The following CD5 variants were observed in gnomAD, a reference collection of about 807,000 sequenced individuals.
CD5 encodes the protein CD5 molecule, also known as T-cell surface glycoprotein CD5.
A neutral mutation model predicts 60.3 loss-of-function variants in CD5; 36 were observed. That is an observed-to-expected ratio of 0.60 (90% CI 0.46 to 0.79). CD5 has a LOEUF of 0.79. Ranked by LOEUF, CD5 falls within the 30% of genes least tolerant of loss-of-function variation. The pLI, the probability that CD5 is intolerant of heterozygous loss-of-function variation, is 0.00. For synonymous variants in CD5, 230 were observed against 257.6 expected (o/e 0.89, Z 1.03); for missense variants, 540 against 630.6 (o/e 0.86, Z 1.54).
intron 1 of CD5, among the ~76,000 whole-genome samples, chr11:61,112,537 G>A (rs967328891): frequency 1.3e-5 from 2 of 152,094 alleles, no homozygotes; most frequent in Non-Finnish European, 1.5e-5. Flanking sequence ...CCAGCTACTC[G>A]GGAGGTTGAG....
intron 2 of CD5, 126 bp downstream of exon 2, chr11:61,115,220 A>T (rs1371480180): frequency 1.3e-6 from 1 of 784,130 alleles, no homozygotes; most frequent in Admixed American, 2.4e-5. Flanking sequence ...CCCTATAGAG[A>T]GAGTGAACCC....
chr11:61,119,067 G>C, intron 4 of CD5, 90 bp downstream of exon 4: 2 of 1,286,894 alleles, frequency 1.6e-6, no homozygotes, highest in Non-Finnish European at 2.2e-6. Context: ...TGACAAAGGT[G>C]GAAATGTTTA....
At chr11:61,106,119 C>A (rs1378026594) in intron 1 of CD5, among the ~76,000 whole-genome samples, 2 of 87,732 alleles carry the variant, frequency 2.3e-5, no homozygotes, top group Admixed American at 1.6e-4. Context: ...AGCAAGACTC[C>A]ATCTCAAAAA....
intron 1 of CD5, among the ~76,000 whole-genome samples, chr11:61,112,023 A>C (rs1475409334): frequency 2.0e-5 from 3 of 152,222 alleles, no homozygotes; most frequent in African/African-American, 7.2e-5. Flanking sequence ...GAAGTGGCAG[A>C]GCTGATACTC....
intron 2 of CD5, among the ~76,000 whole-genome samples, chr11:61,116,505 C>CA (rs1860950574): frequency 8.6e-6 from 1 of 116,284 alleles, no homozygotes; most frequent in African/African-American, 3.4e-5. Context: ...CACCACCACA[C>CA]CACACACACA....
At chr11:61,119,172 G>T (rs542466121) in intron 4 of CD5, 62 bp from the exon 5 acceptor site, 8 of 1,448,228 alleles carry the variant, frequency 5.5e-6, no homozygotes, top group Non-Finnish European at 7.5e-6. Flanking sequence ...CAAACAGCAA[G>T]GAGTGCCCAG....
At chr11:61,106,322 C>T (rs1007369727) in intron 1 of CD5, among the ~76,000 whole-genome samples, 37 of 152,018 alleles carry the variant, frequency 2.4e-4, no homozygotes, top group Non-Finnish European at 4.7e-4. Flanking sequence ...GAATGAGGGA[C>T]GGAGCCAGCC....
At chr11:61,103,146 A>T (rs1203630054) in intron 1 of CD5, among the ~76,000 whole-genome samples, 2 of 152,194 alleles carry the variant, frequency 1.3e-5, no homozygotes, top group East Asian at 1.9e-4. Flanking sequence ...CGGAAGTCCT[A>T]GGCCCTCTCA....
At chr11:61,113,747 C>T (rs576265035) in intron 1 of CD5, among the ~76,000 whole-genome samples, 2 of 152,276 alleles carry the variant, frequency 1.3e-5, no homozygotes, top group African/African-American at 4.8e-5. Context: ...CAGCTCACTG[C>T]AGCCTCCACC....
chr11:61,099,222 G>A (rs1860622794), upstream of CD5, among the ~76,000 whole-genome samples: 1 of 150,222 alleles, frequency 6.7e-6, no homozygotes, highest in Non-Finnish European at 1.5e-5. Context: ...ACCTCAACAC[G>A]GAGATCACAC....
At chr11:61,122,767 A>T in intron 6 of CD5, 140 bp from the exon 7 acceptor site, 1 of 884,272 alleles carries the variant, frequency 1.1e-6, no homozygotes, top group Non-Finnish European at 1.7e-6. Flanking sequence ...ATAGCCAAAT[A>T]GATCATTGCC....
intron 6 of CD5, 83 bp downstream of exon 6, chr11:61,121,987 G>A: frequency 7.1e-6 from 9 of 1,259,928 alleles, no homozygotes; most frequent in Non-Finnish European, 9.6e-6. Context: ...TCTCTAAAGG[G>A]AAGCCCTGGG....
At chr11:61,096,934 G>A in the CD5 span, among the ~76,000 whole-genome samples, 14 of 152,268 alleles carry the variant, frequency 9.2e-5, no homozygotes, top group East Asian at 3.9e-4. Context: ...CCTCTCAGGC[G>A]CTTGACAGCC....
At chr11:61,101,388 TCA>T (rs769562668), upstream of CD5, among the ~76,000 whole-genome samples, 26 of 79,834 alleles carry the variant, frequency 3.3e-4, 1 homozygote, top group Non-Finnish European at 5.1e-4. Flanking sequence ...AACATGGAGA[TCA>T]CACACACACG....
chr11:61,125,390 G>C lies in CD5; in HGVS notation c.1399+239G>C, dbSNP rs570285308. Reference sequence around the variant, plus strand: ...TCATCTGGAGAGAAGAATGCACTCAGAAAGCCATCAACCCCAGCCTTGCTG... The same window carrying C: ...TCATCTGGAGAGAAGAATGCACTCACAAAGCCATCAACCCCAGCCTTGCTG... On this transcript the variant is annotated intron_variant, in intron 9 of 10. Coordinates refer to ENST00000347785, the MANE Select transcript of CD5 (RefSeq NM_014207.4). Among the ~76,000 whole-genome samples the C allele has an allele frequency of 3.5e-4, 54 of 152,224 alleles. 1 individual carries two copies. Among genetic ancestry groups the C allele is most frequent in the Non-Finnish European group, 6.5e-4 (44 of 68,050 alleles).
At chr11:61,105,867 G>A (rs1457722710) in intron 1 of CD5, among the ~76,000 whole-genome samples, 2 of 152,196 alleles carry the variant, frequency 1.3e-5, no homozygotes, top group East Asian at 1.9e-4. Flanking sequence ...GCTCATGCCT[G>A]TAATCCCAGC....
In CD5 at chr11:61,116,223, A is replaced by T. The variant is rs537082561; in HGVS notation, c.94+1129A>T. On this transcript the variant is annotated intron_variant, in intron 2 of 10. Coordinates refer to ENST00000347785, the MANE Select transcript of CD5 (RefSeq NM_014207.4). ...ACACATTCATCCAGCTCAAAAATTT[A>T]AAAAAATATAAAAAGATCTGTAGTG... Among the ~76,000 whole-genome samples the T allele has an allele frequency of 1.6e-4, 25 of 152,220 alleles. No homozygotes were observed. The South Asian group carries it at 4.1e-3, about 25-fold the overall frequency.
At chr11:61,107,768 G>C (rs1457708626) in intron 1 of CD5, among the ~76,000 whole-genome samples, 3 of 152,178 alleles carry the variant, frequency 2.0e-5, no homozygotes, top group Non-Finnish European at 4.4e-5. Flanking sequence ...ATGGTGTCCA[G>C]AGGGACCCTA....
At chr11:61,109,262 A>G (rs1467161940) in intron 1 of CD5, among the ~76,000 whole-genome samples, 1 of 152,254 alleles carries the variant, frequency 6.6e-6, no homozygotes, top group Non-Finnish European at 1.5e-5. Flanking sequence ...GAGGCTATTT[A>G]TAATCTTGAC....
Sources: gnomAD v4.1 joint callset for allele counts (sites outside exome capture counted in the v4.1 genomes callset) on GRCh38, gnomAD v4.1.1 for gene constraint, MANE v1.5 for transcripts, NCBI Gene and HGNC (gene_info 2026-07-23, HGNC 2026-07-21) for gene names.